Variants in PSD3 observed in about 807,000 individuals in gnomAD.
The protein encoded by PSD3 is PH and SEC7 domain-containing protein 3.
Under a neutral mutation model 105.5 loss-of-function variants are expected in PSD3, and 49 were observed. The observed-to-expected ratio is 0.46, with a 90% confidence interval of 0.37 to 0.59. The LOEUF is 0.59. PSD3 is among the 20% of genes least tolerant of loss of function. PSD3 has a pLI of 0.00. For missense variants in PSD3, 1,561 were observed against 1,263.8 expected, an observed-to-expected ratio of 1.24 and a Z score of -3.57; for synonymous variants, 557 against 457.8, an observed-to-expected ratio of 1.22 and a Z score of -2.77.
In PSD3 at chr8:18,888,484, G is replaced by GAA. The variant is rs796652851; in HGVS notation, c.131-15753_131-15752dup. ...CCTCTGTGAGCCTCAATTTCCATCTGAAAAAAAAAAACGGGAATAATAATG... is the reference window on the plus strand; with the variant it reads ...CCTCTGTGAGCCTCAATTTCCATCTGAAAAAAAAAAAAACGGGAATAATAATG... On this transcript the variant is annotated intron_variant, in intron 2 of 15. Transcript: ENST00000327040. 8.4e-3 allele frequency among the ~76,000 whole-genome samples: 1,172 copies of GAA among 139,790 alleles called. 22 individuals are homozygous for GAA. The highest frequency in any genetic ancestry group is 0.029 in the African/African-American group (1,123 of 38,466). The allele number at this position is 139,790 out of a possible 152,430, so 91.7% of individuals were successfully genotyped here.
At chr8:18,751,210 C>G (rs572128143) in intron 9 of PSD3, among the ~76,000 whole-genome samples, 8 of 152,294 alleles carry the variant, frequency 5.3e-5, no homozygotes, top group African/African-American at 1.9e-4. Context: ...TAAGGCCCGG[C>G]GAGAAATCGA....
chr8:18,567,779 T>C (rs1338642955), intron 14 of PSD3, among the ~76,000 whole-genome samples: 1 of 152,312 alleles, frequency 6.6e-6, no homozygotes, highest in Non-Finnish European at 1.5e-5. Context: ...TGTCTTCCCA[T>C]GACTCCACCA....
intron 1 of PSD3, among the ~76,000 whole-genome samples, chr8:19,040,684 GC>G (rs1563525065): frequency 6.6e-6 from 1 of 152,228 alleles, no homozygotes; most frequent in Non-Finnish European, 1.5e-5. Context: ...GCTGCAATCA[GC>G]CAGGTGAGAG....
chr8:18,674,978 G>T (rs1799990042), intron 9 of PSD3, among the ~76,000 whole-genome samples: 1 of 151,964 alleles, frequency 6.6e-6, no homozygotes, highest in Non-Finnish European at 1.5e-5. Flanking sequence ...TCCAGCTTGG[G>T]TGACAAAGTG....
chr8:18,951,066 ATATTCATTCTGGAAC>A (rs1446613702), intron 1 of PSD3, among the ~76,000 whole-genome samples: 3 of 152,174 alleles, frequency 2.0e-5, no homozygotes, highest in Non-Finnish European at 2.9e-5. Flanking sequence ...TGTTTGAGGA[ATATTCATTCTGGAAC>A]TATATGAGTA....
intron 15 of PSD3, 140 bp downstream of exon 15, chr8:18,556,069 A>C: frequency 1.1e-6 from 1 of 940,340 alleles, no homozygotes; most frequent in South Asian, 1.9e-5. Flanking sequence ...GGCCACCATG[A>C]CCTTGCCAGG....
At chr8:18,806,607 T>C (rs1811223046) in intron 4 of PSD3, among the ~76,000 whole-genome samples, 1 of 152,158 alleles carries the variant, frequency 6.6e-6, no homozygotes, top group African/African-American at 2.4e-5. Context: ...ATAATAAATA[T>C]CGTAGGCGTG....
intron 1 of PSD3, among the ~76,000 whole-genome samples, chr8:18,992,048 G>A (rs1825834620): frequency 6.6e-6 from 1 of 152,150 alleles, no homozygotes; most frequent in Admixed American, 6.5e-5. Flanking sequence ...ACCTAGGTCG[G>A]TCAAATTCCA....
chr8:18,591,695 G>C (rs905809944), intron 12 of PSD3, among the ~76,000 whole-genome samples: 1 of 152,144 alleles, frequency 6.6e-6, no homozygotes, highest in African/African-American at 2.4e-5. Context: ...GAGGAGCAGA[G>C]TATGCATCCA....
At chr8:18,623,744 A>G (rs369448408) in intron 11 of PSD3, among the ~76,000 whole-genome samples, 12 of 152,226 alleles carry the variant, frequency 7.9e-5, no homozygotes, top group South Asian at 4.1e-4. Context: ...TAAAAAATAT[A>G]TATTATCAAT....
chr8:18,574,983 G>T, intron 13 of PSD3, 145 bp downstream of exon 13: 1 of 757,918 alleles, frequency 1.3e-6, no homozygotes. Flanking sequence ...AATCTTCTTA[G>T]GCAGTTATTT....
intron 1 of PSD3, among the ~76,000 whole-genome samples, chr8:18,963,632 T>G (rs1824063896): frequency 6.6e-6 from 1 of 152,172 alleles, no homozygotes. Flanking sequence ...CACAAGAATT[T>G]CTGCTATACA....
intron 8 of PSD3, among the ~76,000 whole-genome samples, chr8:18,781,926 C>T (rs906268032): frequency 1.3e-5 from 2 of 151,952 alleles, no homozygotes; most frequent in Non-Finnish European, 2.9e-5. Flanking sequence ...TTTCAAAAGA[C>T]CTGTCTTCAA....
At chr8:18,649,230 C>T (rs1301229849) in intron 10 of PSD3, among the ~76,000 whole-genome samples, 7 of 152,226 alleles carry the variant, frequency 4.6e-5, no homozygotes, top group Admixed American at 4.6e-4. Context: ...ATGAGAGCAA[C>T]CGCAGGGACT....
intron 11 of PSD3, among the ~76,000 whole-genome samples, chr8:18,628,022 T>C (rs1047842151): frequency 6.6e-6 from 1 of 151,676 alleles, no homozygotes; most frequent in Admixed American, 6.6e-5. Flanking sequence ...AAGATAAACA[T>C]GCTGATTATG....
chr8:18,815,531 G>C (rs376454905), intron 4 of PSD3, among the ~76,000 whole-genome samples: 1 of 151,992 alleles, frequency 6.6e-6, no homozygotes, highest in African/African-American at 2.4e-5. Flanking sequence ...GGCTGGTCTC[G>C]AACTCCTGGC....
upstream of PSD3, chr8:19,013,785 A>T (rs535809942): frequency 2.8e-3 from 574 of 204,062 alleles, 9 homozygotes; most frequent in East Asian, 0.022. Context: ...GCCCCCAGTA[A>T]CGTCAAAGCG....
rs543870556 is a variant in PSD3, at chr8:18,784,158, C to A, written c.2082+15137G>T. On this transcript the variant is annotated intron_variant, in intron 8 of 15. Transcript: ENST00000327040. The stretch of plus-strand genomic sequence containing the variant: ...ACTTTAAAGATTACTCTCCTGTCAT[C>A]AGGTATCTGTTAGATCTAGTTGGTT... 3.3e-5 allele frequency among the ~76,000 whole-genome samples: 5 copies of A among 152,240 alleles called. No homozygotes were observed. In the South Asian group the frequency reaches 1.0e-3, roughly 32 times the overall value.
At chr8:18,993,476 G>A (rs1165255656) in intron 1 of PSD3, among the ~76,000 whole-genome samples, 2 of 152,028 alleles carry the variant, frequency 1.3e-5, no homozygotes, top group Non-Finnish European at 2.9e-5. Flanking sequence ...TGACAGCATT[G>A]CTTTAACAGT....
Sources: allele counts gnomAD v4.1 joint callset (sites outside exome capture counted in the v4.1 genomes callset), GRCh38; gene constraint gnomAD v4.1.1; transcripts MANE v1.5; gene names NCBI Gene and HGNC (gene_info 2026-07-23, HGNC 2026-07-21).